Variants in DLGAP4 observed in about 807,000 individuals in gnomAD.
DLGAP4 encodes DLG associated protein 4, also known as disks large-associated protein 4.
In DLGAP4, 18 loss-of-function variants were observed where a neutral mutation model predicts 86.9. The observed-to-expected ratio is 0.21, with a 90% CI of 0.14 to 0.31. The LOEUF (loss-of-function observed/expected upper bound fraction) is 0.31. Ranked by LOEUF, DLGAP4 falls within the 10% of genes least tolerant of loss-of-function variation. The pLI, the probability that DLGAP4 is intolerant of heterozygous loss-of-function variation, is 1.00. For missense variants in DLGAP4, 1,085 were observed against 1,362.6 expected, an observed-to-expected ratio of 0.80 and a Z score of 3.21; for synonymous variants, 548 against 574.3, an observed-to-expected ratio of 0.95 and a Z score of 0.65.
intron 1 of DLGAP4, among the ~76,000 whole-genome samples, chr20:36,345,058 C>A (rs2029894861): frequency 6.6e-6 from 1 of 152,304 alleles, no homozygotes; most frequent in African/African-American, 2.4e-5. Flanking sequence ...TTGAAGGGAC[C>A]TAAAGTCACT....
intron 7 of DLGAP4, among the ~76,000 whole-genome samples, chr20:36,466,099 C>G (rs2034339548): frequency 6.6e-6 from 1 of 152,170 alleles, no homozygotes; most frequent in Non-Finnish European, 1.5e-5. Context: ...TCTCATTTGG[C>G]AGGTCTTGGG....
At chr20:36,461,568 ACGT>A (rs1372269499) in intron 7 of DLGAP4, 35 of 959,008 alleles carry the variant, frequency 3.6e-5, no homozygotes, top group Non-Finnish European at 4.3e-5. Flanking sequence ...TGTCCGGTCC[ACGT>A]CGTCGCTGCC....
intron 1 of DLGAP4, among the ~76,000 whole-genome samples, chr20:36,360,237 C>T (rs1002313151): frequency 1.3e-5 from 2 of 152,124 alleles, no homozygotes; most frequent in Admixed American, 6.5e-5. Flanking sequence ...AGCTATGAGG[C>T]GGTAGAGCTG....
chr20:36,446,327 C>A (rs528174951), intron 6 of DLGAP4, among the ~76,000 whole-genome samples: 1 of 152,110 alleles, frequency 6.6e-6, no homozygotes, highest in Admixed American at 6.6e-5. Flanking sequence ...AGCTACCTAC[C>A]GCCACCCCCA....
intron 7 of DLGAP4, among the ~76,000 whole-genome samples, chr20:36,482,858 G>T (rs1461445062): frequency 2.0e-5 from 3 of 151,928 alleles, no homozygotes; most frequent in Non-Finnish European, 2.9e-5. Flanking sequence ...TTTTAGTAGA[G>T]ACAGGGTTTC....
intron 1 of DLGAP4, among the ~76,000 whole-genome samples, chr20:36,333,339 T>C (rs2065289502): frequency 1.3e-5 from 2 of 152,130 alleles, no homozygotes; most frequent in African/African-American, 4.8e-5. Context: ...GGTTTTTTTT[T>C]CTAAAACCCC....
At position 36,431,851 on chromosome 20, in the gene DLGAP4, G is replaced by A. The variant is rs767364241; in HGVS notation, c.134G>A (p.Arg45His). 13 of 1,613,818 alleles carry A rather than the reference G, an allele frequency of 8.1e-6. No individual in the cohort carries two copies. The highest frequency in any genetic ancestry group is 4.5e-5 in the East Asian group (2 of 44,884). The change falls in exon 3 of 13, where the codon CGC becomes CAC. Residue 45 changes from arginine (R) to histidine (H), a missense_variant. Transcript: ENST00000339266. This position sits in a 1 kb window ranked among gnomAD's most constrained non-coding sequence, Gnocchi z 5.1. ...ACGGAGGCCTTCGCCCGCGAGGCCCGCTTCCCCGGGCAGAACACCCTGCCA... is the reference window on the plus strand; with the variant it reads ...ACGGAGGCCTTCGCCCGCGAGGCCCACTTCCCCGGGCAGAACACCCTGCCA... ...SPTEAFAREA[R>H]FPGQNTLPGD...
intron 1 of DLGAP4, among the ~76,000 whole-genome samples, chr20:36,317,716 C>T (rs2065123515): frequency 6.6e-6 from 1 of 151,846 alleles, no homozygotes; most frequent in African/African-American, 2.4e-5. Context: ...CCAGCCTCCC[C>T]AGTTGCTGGT....
intron 2 of DLGAP4, among the ~76,000 whole-genome samples, chr20:36,419,576 C>T (rs1193253440): frequency 6.6e-6 from 1 of 152,204 alleles, no homozygotes; most frequent in East Asian, 1.9e-4. Flanking sequence ...TTGTCAGCTA[C>T]TGCCATCTGA....
intron 1 of DLGAP4, among the ~76,000 whole-genome samples, chr20:36,309,420 T>C (rs1303647061): frequency 6.6e-6 from 1 of 152,232 alleles, no homozygotes; most frequent in Non-Finnish European, 1.5e-5. Context: ...TGGTCCATTC[T>C]GAGTGGAGGG....
At chr20:36,386,672 C>A (rs2031609744) in intron 2 of DLGAP4, among the ~76,000 whole-genome samples, 1 of 152,064 alleles carries the variant, frequency 6.6e-6, no homozygotes, top group South Asian at 2.1e-4. Flanking sequence ...ACAGCCTCGA[C>A]CTCCCAGGCT....
intron 7 of DLGAP4, among the ~76,000 whole-genome samples, chr20:36,477,036 G>A (rs556739309): frequency 6.6e-6 from 1 of 151,646 alleles, no homozygotes; most frequent in East Asian, 1.9e-4. Context: ...GGGCAGCTGA[G>A]GGGAATGCTC....
chr20:36,347,388 C>A (rs1266699214), intron 1 of DLGAP4, among the ~76,000 whole-genome samples: 1 of 151,982 alleles, frequency 6.6e-6, no homozygotes, highest in Non-Finnish European at 1.5e-5. Context: ...GCAGATGGGG[C>A]CAGATCATGG....
chr20:36,411,133 G>A (rs2032486197), intron 2 of DLGAP4, among the ~76,000 whole-genome samples: 1 of 152,168 alleles, frequency 6.6e-6, no homozygotes, highest in Non-Finnish European at 1.5e-5. Flanking sequence ...GGGACTACAG[G>A]CATGCGCCAT....
At position 36,439,845 on chromosome 20, in the gene DLGAP4, A is replaced by T. The variant is rs774387764; in HGVS notation, c.1333A>T (p.Asn445Tyr). 1.9e-6 allele frequency: 3 copies of T among 1,609,906 alleles called. No homozygotes were observed. The highest frequency in any genetic ancestry group is 2.5e-6 in the Non-Finnish European group (3 of 1,177,890). ...CTACACCCCCGTCAGCGACAGCCTC[A>T]ACGACTCCAGCTGCATCAGCCAGGT... ...EDYTPVSDSL[N>Y]DSSCISQIFG... Residue 445 changes from asparagine to tyrosine, a missense_variant, in exon 5 of 13, where the codon AAC becomes TAC. Asn to Tyr is a moderately radical substitution (Grantham distance 143). This residue lies in a region of DLGAP4 where 1,082 missense variants were observed against 1,344.1 expected (regional missense o/e 0.81). Transcript: ENST00000339266.
At chr20:36,499,350 T>TGCCCCCCC in intron 8 of DLGAP4, 1 of 1,545,000 alleles carries the variant, frequency 6.5e-7, no homozygotes. Flanking sequence ...CTCCACCCCA[T>TGCCCCCCC]CCCACCTCCC....
intron 1 of DLGAP4, among the ~76,000 whole-genome samples, chr20:36,307,060 C>G (rs970665350): frequency 5.9e-5 from 9 of 152,138 alleles, no homozygotes; most frequent in Admixed American, 3.3e-4. Flanking sequence ...GCCGGCTCCC[C>G]CCTTCCCGAG....
At position 36,342,776 on chromosome 20, in the gene DLGAP4, G is replaced by A. The variant is rs575963400; in HGVS notation, c.-303-24269G>A. On this transcript the variant is annotated intron_variant, in intron 1 of 12. Transcript: ENST00000339266. ...CAGAGAGGCCCTCTAGTGGGCAGCA[G>A]AAATCAAAAGCCAGAACTAGTGTCC... Among the ~76,000 whole-genome samples the A allele has an allele frequency of 9.2e-5, 14 of 152,322 alleles. No individual in the cohort carries two copies. In the East Asian group the frequency reaches 2.7e-3, roughly 29 times the overall value.
chr20:36,370,048 C>T (rs562200477), intron 2 of DLGAP4, among the ~76,000 whole-genome samples: 16 of 152,236 alleles, frequency 1.1e-4, no homozygotes, highest in South Asian at 1.0e-3. Flanking sequence ...GGAAGTTCCC[C>T]GCAAAGGGCC....
Sources: gnomAD v4.1 joint callset for allele counts (sites outside exome capture counted in the v4.1 genomes callset) on GRCh38, gnomAD v4.1.1 for gene constraint, gnomAD v4.1.1 regional missense constraint, Gnocchi (gnomAD v3.1) non-coding constraint, MANE v1.5 for transcripts, NCBI Gene and HGNC (gene_info 2026-07-23, HGNC 2026-07-21) for gene names.